DNAH3: variants seen among roughly 807,000 people sequenced by gnomAD.
DNAH3 encodes the protein axonemal beta dynein heavy chain 3.
Under a neutral mutation model 432.5 loss-of-function variants are expected in DNAH3, and 332 were observed. The observed-to-expected ratio is 0.77, with a 90% CI of 0.70 to 0.84. DNAH3 has a LOEUF of 0.84. DNAH3 is among the 40% of genes least tolerant of loss of function. The pLI, the probability that DNAH3 is intolerant of heterozygous loss-of-function variation, is 0.00. For synonymous variants in DNAH3, 1,956 were observed against 1,900.2 expected, an observed-to-expected ratio of 1.03 and a Z score of -0.76; for missense variants, 4,861 against 5,114.0, an observed-to-expected ratio of 0.95 and a Z score of 1.51.
At chr16:20,986,525 T>C (rs1180794815) in intron 47 of DNAH3, among the ~76,000 whole-genome samples, 1 of 152,104 alleles carries the variant, frequency 6.6e-6, no homozygotes, top group Non-Finnish European at 1.5e-5. Context: ...AATATTTTTT[T>C]TGTTAAAAGA....
At chr16:21,070,430 C>T (rs760581366) in intron 22 of DNAH3, among the ~76,000 whole-genome samples, 2 of 151,908 alleles carry the variant, frequency 1.3e-5, no homozygotes, top group African/African-American at 4.8e-5. Flanking sequence ...TTACAGGCAC[C>T]CTCCACTATG....
At chr16:21,153,739 G>A (rs540653694) in intron 1 of DNAH3, among the ~76,000 whole-genome samples, 106 of 152,110 alleles carry the variant, frequency 7.0e-4, no homozygotes, top group Non-Finnish European at 9.7e-4. Context: ...AACTCCAGAC[G>A]CGCTACCTTA....
chr16:21,104,429 G>C (rs1337590054), intron 16 of DNAH3, 42 bp downstream of exon 16: 2 of 1,560,074 alleles, frequency 1.3e-6, no homozygotes, highest in Non-Finnish European at 1.8e-6. Flanking sequence ...GGGTGAAGAA[G>C]TCAGGTCTCA....
intron 53 of DNAH3, 84 bp from the exon 54 acceptor site, chr16:20,959,488 G>C: frequency 7.3e-7 from 1 of 1,371,834 alleles, no homozygotes. Flanking sequence ...ATAACAACAT[G>C]GCTGGGTGTG....
intron 44 of DNAH3, among the ~76,000 whole-genome samples, chr16:20,989,406 C>G (rs1022575132): frequency 6.6e-6 from 1 of 151,066 alleles, no homozygotes; most frequent in South Asian, 2.1e-4. Flanking sequence ...AATCCTTGAG[C>G]TAGACATAAA....
intron 29 of DNAH3, among the ~76,000 whole-genome samples, chr16:21,051,302 T>G (rs2089945309): frequency 6.6e-6 from 1 of 152,178 alleles, no homozygotes; most frequent in East Asian, 1.9e-4. Context: ...TGGCAGAGCA[T>G]AGAGACCCCT....
chr16:21,034,054 T>C (rs79335259), exon 36 of DNAH3: 2 of 1,613,620 alleles, frequency 1.2e-6, no homozygotes, highest in Admixed American at 3.3e-5. Context: ...TACAATCATA[T>C]AGCCATGTCT....
exon 15 of DNAH3, chr16:21,106,568 T>C: frequency 1.2e-6 from 2 of 1,612,524 alleles, no homozygotes; most frequent in Non-Finnish European, 8.5e-7. Flanking sequence ...TTGAACACAG[T>C]GACAGCACTG....
intron 14 of DNAH3, among the ~76,000 whole-genome samples, chr16:21,111,188 T>C (rs1169152747): frequency 2.0e-5 from 3 of 152,108 alleles, no homozygotes; most frequent in Non-Finnish European, 4.4e-5. Flanking sequence ...AAGAAAAAGA[T>C]TGAACAACAG....
In DNAH3 at chr16:20,979,341, C is replaced by T. The variant is rs773975942; in HGVS notation, c.8065G>A (p.Ala2689Thr). The change falls in exon 50 of 62, where the codon GCA becomes ACA. Residue 2689 changes from alanine to threonine, a missense_variant. Transcript: ENST00000261383. ...TTGGCAGTGCTCACCTGAGAAGCTG[C>T]AAAGTCGAGTTTCTGCAAGCCTGTC... is the stretch of plus-strand genomic sequence containing the variant. The T allele has an allele frequency of 6.8e-6, 11 of 1,614,018 alleles. No individual in the cohort carries two copies. In the African/African-American group the frequency reaches 9.3e-5, roughly 14 times the overall value.
intron 18 of DNAH3, among the ~76,000 whole-genome samples, chr16:21,092,946 T>C (rs994825391): frequency 8.5e-5 from 13 of 152,156 alleles, no homozygotes; most frequent in African/African-American, 3.1e-4. Flanking sequence ...TGGTGGCTCA[T>C]GCCTGTAATC....
intron 9 of DNAH3, 131 bp from the exon 11 acceptor site, chr16:21,122,255 A>G (rs2092359084): frequency 1.4e-6 from 1 of 730,922 alleles, no homozygotes; most frequent in East Asian, 2.7e-5. Context: ...CACTGTTTAT[A>G]TTTAAAATAT....
At chr16:21,148,319 T>C (rs1291783696) in intron 1 of DNAH3, among the ~76,000 whole-genome samples, 1 of 152,176 alleles carries the variant, frequency 6.6e-6, no homozygotes, top group African/African-American at 2.4e-5. Context: ...CATGAGATTT[T>C]TTTCATACCC....
intron 41 of DNAH3, among the ~76,000 whole-genome samples, chr16:21,004,784 G>A (rs1442211677): frequency 6.6e-6 from 1 of 151,134 alleles, no homozygotes; most frequent in Non-Finnish European, 1.5e-5. Context: ...GTATTTTAAG[G>A]CAAATCCTGA....
chr16:21,067,484 A>C (rs574481003), intron 23 of DNAH3, 65 bp from the exon 24 acceptor site: 33 of 1,571,330 alleles, frequency 2.1e-5, no homozygotes, highest in Non-Finnish European at 2.4e-5. Context: ...TGGTCATTGT[A>C]TTGAATGTGT....
chr16:20,973,174 C>CACTA (rs145188082), intron 51 of DNAH3, among the ~76,000 whole-genome samples: 5,044 of 152,218 alleles, frequency 0.033, 317 homozygotes, highest in African/African-American at 0.12. Flanking sequence ...CTTCTAATCC[C>CACTA]ACTAACCATG....
chr16:20,959,248 C>T (rs1351009475), exon 54 of DNAH3: 6 of 1,614,212 alleles, frequency 3.7e-6, no homozygotes, highest in Non-Finnish European at 5.1e-6. Context: ...AGGCATCCAG[C>T]TTGCGGCCAG....
At chr16:21,022,300 C>T (rs1332727469) in intron 39 of DNAH3, among the ~76,000 whole-genome samples, 200 bp from the exon 40 acceptor site, 1 of 152,206 alleles carries the variant, frequency 6.6e-6, no homozygotes, top group Admixed American at 6.5e-5. Context: ...TGCCCACAGG[C>T]CATGTTAACT....
intron 61 of DNAH3, among the ~76,000 whole-genome samples, 169 bp from the exon 62 acceptor site, chr16:20,933,676 A>G (rs549917649): frequency 2.2e-3 from 332 of 152,342 alleles, no homozygotes; most frequent in Non-Finnish European, 4.0e-3. Context: ...CCCACCATAC[A>G]TGGGCCAGGC....
Sources: allele counts gnomAD v4.1 joint callset (sites outside exome capture counted in the v4.1 genomes callset), GRCh38; gene constraint gnomAD v4.1.1; transcripts MANE v1.5; gene names NCBI Gene and HGNC (gene_info 2026-07-23, HGNC 2026-07-21).